Variants in IDH2 observed in about 807,000 individuals in gnomAD.
IDH2 encodes the protein isocitrate dehydrogenase [NADP], mitochondrial.
IDH2 carries 18 observed loss-of-function variants against 50.5 expected under a neutral mutation model. The observed-to-expected ratio is 0.36, with a 90% CI of 0.25 to 0.53. The LOEUF (loss-of-function observed/expected upper bound fraction) is 0.53, where lower values mean the gene tolerates loss of function less well. Ranked by LOEUF, IDH2 falls within the 20% of genes least tolerant of loss-of-function variation. IDH2 has a pLI of 0.92. For missense variants in IDH2, 518 were observed against 610.7 expected (o/e 0.85, Z 1.60); for synonymous variants, 280 against 239.8 (o/e 1.17, Z -1.55).
In IDH2 at chr15:90,087,779, C is replaced by CT. The variant is rs369432003; in HGVS notation, c.679-205dup. Among the ~76,000 whole-genome samples the CT allele has an allele frequency of 0.031, 3,990 of 128,754 alleles. 289 individuals are homozygous for CT. The highest frequency in any genetic ancestry group is 0.11 in the African/African-American group (3,680 of 33,502). 84.5% of individuals were successfully genotyped at this position (128,754 alleles called of 152,430 possible). On this transcript the variant is annotated intron_variant, in intron 5 of 10. Transcript: ENST00000330062. ...TCAACTTTGCTTTGTAAAACACCGC[C>CT]TTTTTTTTTTTTTTGGAAAACACCG...
intron 3 of IDH2, 119 bp from the exon 4 acceptor site, chr15:90,088,866 A>AG (rs1900950907): frequency 2.3e-6 from 2 of 881,646 alleles, no homozygotes; most frequent in African/African-American, 3.4e-5. Context: ...GGAAGGCAGT[A>AG]GAGTCTAGAG....
intron 7 of IDH2, among the ~76,000 whole-genome samples, chr15:90,086,207 A>G (rs1039757800): frequency 5.1e-4 from 78 of 152,116 alleles, no homozygotes; most frequent in Middle Eastern, 3.2e-3. Context: ...TCTGCTTTTC[A>G]TCAGAACCCG....
In IDH2 at chr15:90,085,127, G is replaced by C. The variant is rs375124611; in HGVS notation, c.1081-29C>G. 1 of 1,606,232 alleles carries C rather than the reference G, an allele frequency of 6.2e-7. No homozygotes were observed. Among genetic ancestry groups the C allele is most frequent in the South Asian group, 1.1e-5 (1 of 90,946 alleles). On this transcript the variant is annotated intron_variant, in intron 8 of 10. Coordinates refer to ENST00000330062, the MANE Select transcript of IDH2 (RefSeq NM_002168.4). The surrounding 1 kb of genome is among the most constrained non-coding windows in gnomAD (Gnocchi z 5.5). Reference sequence around the variant, plus strand: ...GGGACGGGGGTTGCAGGGAGATCAAGAGCCGAGCCAGCTAGTGAGGAGGCT... The same window carrying C: ...GGGACGGGGGTTGCAGGGAGATCAACAGCCGAGCCAGCTAGTGAGGAGGCT...
chr15:90,086,747 A>G (rs189262790), intron 7 of IDH2, among the ~76,000 whole-genome samples: 1 of 152,242 alleles, frequency 6.6e-6, no homozygotes, highest in East Asian at 1.9e-4. Context: ...TAGGTTCACT[A>G]TGCAAAATGC....
chr15:90,086,134 G>A lies in IDH2; in HGVS notation c.968-747C>T, dbSNP rs184093889. On this transcript the variant is annotated intron_variant, in intron 7 of 10. Transcript: ENST00000330062. Reference sequence around the variant, plus strand: ...CTTCTATCCTAGATGGGAATTGTTCGGTGAGAGGATCCCCACTGAACTTTC... The same window carrying A: ...CTTCTATCCTAGATGGGAATTGTTCAGTGAGAGGATCCCCACTGAACTTTC... Among the ~76,000 whole-genome samples the A allele has an allele frequency of 6.4e-3, 979 of 152,144 alleles. 11 individuals carry two copies. Among genetic ancestry groups the A allele is most frequent in the South Asian group, 0.015 (72 of 4,814 alleles).
At chr15:90,089,887 C>T (rs1900986498) in intron 3 of IDH2, among the ~76,000 whole-genome samples, 1 of 152,154 alleles carries the variant, frequency 6.6e-6, no homozygotes, top group African/African-American at 2.4e-5. Context: ...GGGACAGAGG[C>T]AGACCTGCAA....
At position 90,088,675 on chromosome 15, in the gene IDH2, C is replaced by G. The variant is rs758147680; in HGVS notation, c.446G>C (p.Arg149Pro). The G allele has an allele frequency of 1.2e-6, 2 of 1,614,094 alleles. No individual in the cohort carries two copies. Among genetic ancestry groups the G allele is most frequent in the Non-Finnish European group, 1.7e-6 (2 of 1,180,030 alleles). The change falls in exon 4 of 11, where the codon CGG becomes CCG. Residue 149 changes from arginine (R) to proline (P), a missense_variant. Physicochemically the swap from Arg to Pro is moderately radical, Grantham distance 103. Around this residue, in one of 5 missense-constraint regions of IDH2, gnomAD observed 207 missense variants for 208.6 expected, o/e 0.99. Transcript: ENST00000330062. ...IRNILGGTVFREPIICKNIPR... is the reference protein window; with the variant it reads ...IRNILGGTVFPEPIICKNIPR... The stretch of plus-strand genomic sequence containing the variant: ...GATGTTTTTGCAGATGATGGGCTCC[C>G]GGAAGACAGTCCCCCCCAGGATGTT...
chr15:90,087,768 T>G (rs1900903715), intron 5 of IDH2, among the ~76,000 whole-genome samples, 193 bp from the exon 6 acceptor site: 1 of 149,016 alleles, frequency 6.7e-6, no homozygotes, highest in African/African-American at 2.5e-5. Context: ...CTTTGCTTTG[T>G]AAAACACCGC....
chr15:90,101,650 G>A (rs989302977), intron 1 of IDH2, among the ~76,000 whole-genome samples: 19 of 151,238 alleles, frequency 1.3e-4, no homozygotes, highest in Admixed American at 2.6e-4. Flanking sequence ...CCCCAGGATG[G>A]AGCCTCAAGT....
Position 90,098,342 on chromosome 15 carries a change from G to GCAGGCAGCCAGCCC in IDH2, c.115+3920_115+3933dup, listed in dbSNP as rs1901233938. 6.6e-6 allele frequency among the ~76,000 whole-genome samples: 1 copy of GCAGGCAGCCAGCCC among 152,044 alleles called. No homozygotes were observed. The highest frequency in any genetic ancestry group is 2.4e-5 in the African/African-American group (1 of 41,332). On this transcript the variant is annotated intron_variant, in intron 1 of 10. Transcript: ENST00000330062. This position sits in a 1 kb window ranked among gnomAD's most constrained non-coding sequence, Gnocchi z 5.1. ...CCAGCAGGAGGCTAGAGGTCCAGCC[G>GCAGGCAGCCAGCCC]CAGGCAGCCAGCCCCAGGCATAACT... is the stretch of plus-strand genomic sequence containing the variant.
chr15:90,098,728 G>C lies in IDH2; in HGVS notation c.115+3548C>G, dbSNP rs537263829. 1.1e-4 allele frequency among the ~76,000 whole-genome samples: 16 copies of C among 152,080 alleles called. No individual in the cohort carries two copies. The highest frequency in any genetic ancestry group is 1.5e-4 in the Non-Finnish European group (10 of 68,032). ...CCAGCTAATTTTTGTATTTTTAGTA[G>C]AGACCGGGTTTCACCATGGTGGCCA... On this transcript the variant is annotated intron_variant, in intron 1 of 10. Transcript: ENST00000330062. The surrounding 1 kb of genome is among the most constrained non-coding windows in gnomAD (Gnocchi z 5.1).
intron 1 of IDH2, among the ~76,000 whole-genome samples, chr15:90,096,178 T>G (rs909499621): frequency 4.9e-4 from 75 of 152,240 alleles, no homozygotes; most frequent in Middle Eastern, 3.4e-3. Flanking sequence ...CACACACCTG[T>G]AGTCCCAGCT....
chr15:90,094,133 A>G (rs145249205), intron 1 of IDH2, among the ~76,000 whole-genome samples: 32 of 152,310 alleles, frequency 2.1e-4, no homozygotes, highest in African/African-American at 6.7e-4. Context: ...AAAGGACTCA[A>G]TGAGGGGCTG....
chr15:90,092,526 C>A (rs1041892018), intron 1 of IDH2, among the ~76,000 whole-genome samples: 4 of 152,160 alleles, frequency 2.6e-5, no homozygotes, highest in Non-Finnish European at 5.9e-5. Flanking sequence ...TGACCTCAGC[C>A]TCCCAAGTAG....
intron 1 of IDH2, among the ~76,000 whole-genome samples, chr15:90,102,052 A>C (rs1596083022): frequency 1.3e-5 from 2 of 151,402 alleles, no homozygotes; most frequent in Admixed American, 6.6e-5. Context: ...CGCCCGGGCC[A>C]CCAGTTGCCA....
chr15:90,090,419 A>G, intron 3 of IDH2, 60 bp downstream of exon 3: 1 of 1,578,494 alleles, frequency 6.3e-7, no homozygotes, highest in Non-Finnish European at 8.7e-7. Flanking sequence ...CCAAGTCTGG[A>G]GAGGCCGGTG....
In IDH2 at chr15:90,084,468, A is replaced by C. The variant is rs1376588782; in HGVS notation, c.1272-115T>G. ...GGCATCAGAACAGCCATCTCCTGCC[A>C]CCCAGACTACAGGCCAGAGGCCAGC... On this transcript the variant is annotated intron_variant, in intron 10 of 10. Coordinates refer to ENST00000330062, the MANE Select transcript of IDH2 (RefSeq NM_002168.4). The surrounding 1 kb of genome is among the most constrained non-coding windows in gnomAD (Gnocchi z 5.0). 3 of 938,206 alleles carry C rather than the reference A, an allele frequency of 3.2e-6. No homozygotes were observed. The highest frequency in any genetic ancestry group is 5.0e-6 in the Non-Finnish European group (3 of 597,404). The allele number at this position is 938,206 out of a possible 1,614,324, so 58.1% of individuals were successfully genotyped here. A position where few individuals can be genotyped will look rare whatever the true frequency, so the allele number is the denominator to read the frequency against.
At chr15:90,101,578 G>A (rs2151557491) in intron 1 of IDH2, among the ~76,000 whole-genome samples, 1 of 152,142 alleles carries the variant, frequency 6.6e-6, no homozygotes, top group South Asian at 2.1e-4. Flanking sequence ...CCAGGTCTCT[G>A]CGGCGAGTGA....
At chr15:90,094,500 C>A (rs1268043477) in intron 1 of IDH2, among the ~76,000 whole-genome samples, 1 of 152,218 alleles carries the variant, frequency 6.6e-6, no homozygotes, top group African/African-American at 2.4e-5. Flanking sequence ...CACTTACAGC[C>A]CAATTACTCT....
Sources: allele counts gnomAD v4.1 joint callset (sites outside exome capture counted in the v4.1 genomes callset), GRCh38; gene constraint gnomAD v4.1.1; regional missense constraint gnomAD v4.1.1; non-coding constraint Gnocchi (gnomAD v3.1); transcripts MANE v1.5; gene names NCBI Gene and HGNC (gene_info 2026-07-23, HGNC 2026-07-21).